ARFGEF2: variants seen among roughly 807,000 people sequenced by gnomAD.
The protein encoded by ARFGEF2 is ARF guanine nucleotide exchange factor 2, also known as brefeldin A-inhibited guanine nucleotide-exchange protein 2.
Under a neutral mutation model 219.9 loss-of-function variants are expected in ARFGEF2, and 74 were observed. That is an observed-to-expected ratio of 0.34 (90% CI 0.28 to 0.41). The LOEUF (loss-of-function observed/expected upper bound fraction) is 0.41, where lower values mean the gene tolerates loss of function less well. Ranked by LOEUF, ARFGEF2 falls within the 10% of genes least tolerant of loss-of-function variation. The pLI is 1.00. For synonymous variants in ARFGEF2, 733 were observed against 799.2 expected (o/e 0.92, Z 1.40); for missense variants, 1,743 against 2,218.3 (o/e 0.79, Z 4.30).
Position 48,984,793 on chromosome 20 carries a change from G to T in ARFGEF2, c.2023G>T (p.Val675Phe), listed in dbSNP as rs772904648. 2.5e-6 allele frequency: 4 copies of T among 1,613,288 alleles called. No individual in the cohort carries two copies. The East Asian group carries it at 6.7e-5, about 27-fold the overall frequency. ...GGAGCAGGGCATGCTGGGAACGTCA[G>T]TTGAAGACATAGCCCAATTCCTGCA... ...LQEQGMLGTSVEDIAQFLHQE... is the reference protein window; with the variant it reads ...LQEQGMLGTSFEDIAQFLHQE... Residue 675 changes from valine (V) to phenylalanine (F), a missense_variant, in exon 15 of 39, where the codon GTT becomes TTT. Transcript: ENST00000371917.
intron 1 of ARFGEF2, among the ~76,000 whole-genome samples, chr20:48,932,333 G>A (rs926541963): frequency 3.3e-5 from 5 of 152,164 alleles, no homozygotes; most frequent in African/African-American, 7.2e-5. Context: ...GCAGAACAGC[G>A]ATGATTGGGA....
chr20:49,016,427 G>T lies in ARFGEF2; in HGVS notation c.4315+12G>T. ...GTGTGTCAAACAAGGTACTCTTTAAGCCTCTAGGCATCATTTTTCTTACAT... is the reference window on the plus strand; with the variant it reads ...GTGTGTCAAACAAGGTACTCTTTAATCCTCTAGGCATCATTTTTCTTACAT... On this transcript the variant is annotated intron_variant, in intron 31 of 38. Transcript: ENST00000371917. 1.2e-6 allele frequency: 2 copies of T among 1,610,186 alleles called. No homozygotes were observed. Among genetic ancestry groups the T allele is most frequent in the Non-Finnish European group, 8.5e-7 (1 of 1,179,862 alleles).
chr20:48,962,055 C>T (rs2091156246), intron 6 of ARFGEF2, among the ~76,000 whole-genome samples: 1 of 151,738 alleles, frequency 6.6e-6, no homozygotes, highest in South Asian at 2.1e-4. Flanking sequence ...TGGCTCATGC[C>T]TGTAATCCCA....
chr20:48,949,694 C>T (rs1423470416), intron 3 of ARFGEF2, among the ~76,000 whole-genome samples: 1 of 152,052 alleles, frequency 6.6e-6, no homozygotes, highest in Non-Finnish European at 1.5e-5. Flanking sequence ...CATTGAGAAA[C>T]GGTGTCGGAC....
At chr20:49,030,798 A>G (rs938461706) in intron 37 of ARFGEF2, among the ~76,000 whole-genome samples, 6 of 152,060 alleles carry the variant, frequency 3.9e-5, no homozygotes, top group Non-Finnish European at 8.8e-5. Flanking sequence ...GGAGTTTGAG[A>G]CCAGCCTGGC....
Position 49,033,009 on chromosome 20 carries a change from T to C in ARFGEF2, c.5182-14T>C. 1.2e-6 allele frequency: 2 copies of C among 1,613,718 alleles called. No homozygotes were observed. Among genetic ancestry groups the C allele is most frequent in the Non-Finnish European group, 1.7e-6 (2 of 1,179,732 alleles). ...AAAATTGTCTAATTTTATCTGTTTC[T>C]CTCCCACCTCAAGTTCAAAGCACAT... On this transcript the variant is annotated splice_polypyrimidine_tract_variant and intron_variant, in intron 38 of 38. Coordinates refer to ENST00000371917, the MANE Select transcript of ARFGEF2 (RefSeq NM_006420.3).
chr20:49,022,291 A>G (rs1360028422), intron 34 of ARFGEF2, among the ~76,000 whole-genome samples: 3 of 151,848 alleles, frequency 2.0e-5, no homozygotes, highest in Non-Finnish European at 4.4e-5. Flanking sequence ...CAGGCAAGCA[A>G]TGGCTCACAC....
intron 3 of ARFGEF2, among the ~76,000 whole-genome samples, chr20:48,942,753 TAG>T (rs1432728187): frequency 6.6e-6 from 1 of 152,042 alleles, no homozygotes; most frequent in Non-Finnish European, 1.5e-5. Context: ...AGTAGAGAAA[TAG>T]AGACAGTTGA....
At chr20:48,944,707 C>T (rs1482515399) in intron 3 of ARFGEF2, among the ~76,000 whole-genome samples, 2 of 152,128 alleles carry the variant, frequency 1.3e-5, no homozygotes, top group Non-Finnish European at 2.9e-5. Context: ...CTCAAGTGAT[C>T]CTCCCGCCTA....
chr20:48,952,613 A>G, intron 4 of ARFGEF2, 92 bp from the exon 5 acceptor site: 1 of 1,320,608 alleles, frequency 7.6e-7, no homozygotes, highest in East Asian at 2.3e-5. Context: ...GAAAAGAAAA[A>G]CAAAACCAGA....
In ARFGEF2 at chr20:49,035,470, A is replaced by G. The variant is rs1291451870; in HGVS notation, c.*2271A>G. The G allele has an allele frequency of 2.0e-5, 3 of 152,246 alleles. No homozygotes were observed. Among genetic ancestry groups the G allele is most frequent in the African/African-American group, 7.2e-5 (3 of 41,474 alleles). 9.4% of individuals were successfully genotyped at this position (152,246 alleles called of 1,614,324 possible). On this transcript the variant is annotated 3_prime_UTR_variant, in exon 39 of 39. Coordinates refer to ENST00000371917, the MANE Select transcript of ARFGEF2 (RefSeq NM_006420.3). ...TCAGGGTGATTTTTCTTGTCAGTGG[A>G]CAGTGACGAACAGAGATTTGAAATC...
intron 1 of ARFGEF2, among the ~76,000 whole-genome samples, chr20:48,926,974 G>T (rs1386738386): frequency 6.6e-6 from 1 of 152,166 alleles, no homozygotes; most frequent in South Asian, 2.1e-4. Context: ...GGTGACCTTA[G>T]CTTGAGCTTT....
chr20:49,018,993 A>G lies in ARFGEF2; in HGVS notation c.4619A>G (p.Tyr1540Cys). The change falls in exon 34 of 39, where the codon TAC becomes TGC. Residue 1540 changes from tyrosine (Y) to cysteine (C), a missense_variant. By Grantham distance (194) the Tyr-to-Cys change is radical. Transcript: ENST00000371917. ...PTDDSWKGRP[Y>C]ANQKLFASLL... ...GATGACAGCTGGAAGGGTAGACCAT[A>G]CGCAAGTAAGGCCACTTTTTAATTT... is the stretch of plus-strand genomic sequence containing the variant. The G allele has an allele frequency of 6.2e-7, 1 of 1,613,416 alleles. No individual in the cohort carries two copies. The highest frequency in any genetic ancestry group is 8.5e-7 in the Non-Finnish European group (1 of 1,179,440).
chr20:48,998,188 C>G lies in ARFGEF2; in HGVS notation c.3222-5C>G. 1 of 1,613,802 alleles carries G rather than the reference C, an allele frequency of 6.2e-7. No homozygotes were observed. Among genetic ancestry groups the G allele is most frequent in the Non-Finnish European group, 8.5e-7 (1 of 1,179,820 alleles). ...TGTTTATTTTGTCTGGAATTATCTT[C>G]CTAGGATTTTTACTGGGTCTACCAG... is the stretch of plus-strand genomic sequence containing the variant. On this transcript the variant is annotated splice_region_variant and splice_polypyrimidine_tract_variant and intron_variant, in intron 23 of 38. Transcript: ENST00000371917.
In ARFGEF2 at chr20:48,943,457, G is replaced by C. The variant is rs543908844; in HGVS notation, c.276+1470G>C. On this transcript the variant is annotated intron_variant, in intron 3 of 38. Transcript: ENST00000371917. ...AGGTGACTTGTCCAGTAATATACAG[G>C]TAGTACGAGAAACAGGACTATAACT... Among the ~76,000 whole-genome samples the C allele has an allele frequency of 3.9e-5, 6 of 152,282 alleles. No individual in the cohort carries two copies. The South Asian group carries it at 1.2e-3, about 32-fold the overall frequency.
At chr20:49,031,377 G>T (rs901178725) in intron 37 of ARFGEF2, among the ~76,000 whole-genome samples, 1 of 151,814 alleles carries the variant, frequency 6.6e-6, no homozygotes, top group Admixed American at 6.6e-5. Context: ...TTACAGATAC[G>T]CACCACCACA....
At chr20:48,963,413 C>T (rs559716488) in intron 6 of ARFGEF2, among the ~76,000 whole-genome samples, 1 of 152,248 alleles carries the variant, frequency 6.6e-6, no homozygotes, top group Admixed American at 6.5e-5. Context: ...GGCGAAGCAG[C>T]AGAAGGCATG....
At chr20:48,996,935 C>G (rs2091394136) in intron 23 of ARFGEF2, among the ~76,000 whole-genome samples, 1 of 151,814 alleles carries the variant, frequency 6.6e-6, no homozygotes, top group African/African-American at 2.4e-5. Flanking sequence ...CTTTTCTTTC[C>G]TTCCCCCATT....
rs192383756 is a variant in ARFGEF2 at position 48,971,258 on chromosome 20, C to T, written c.1329C>T (p.Asn443=). The stretch of plus-strand genomic sequence containing the variant: ...ATCTCTGTGTGGCCTTGTCCAAAAA[C>T]GGCGTCTCTTCAGTGCCTGATGTCT... ...KQYLCVALSK[N]GVSSVPDVFE... Residue 443 remains asparagine, a synonymous_variant, in exon 10 of 39, where the codon AAC becomes AAT. Transcript: ENST00000371917. The T allele has an allele frequency of 8.3e-5, 134 of 1,614,154 alleles. No homozygotes were observed. The East Asian group carries it at 2.4e-3, about 28-fold the overall frequency.
Sources: gnomAD v4.1 joint callset for allele counts (sites outside exome capture counted in the v4.1 genomes callset) on GRCh38, gnomAD v4.1.1 for gene constraint, MANE v1.5 for transcripts, NCBI Gene and HGNC (gene_info 2026-07-23, HGNC 2026-07-21) for gene names.